LRP1B: variants seen among roughly 807,000 people sequenced by gnomAD.
LRP1B encodes low-density lipoprotein receptor-related protein 1B.
In LRP1B, 217 loss-of-function variants were observed where a neutral mutation model predicts 556.6. The ratio of observed to expected loss-of-function variants is 0.39; its 90% CI spans 0.35 to 0.44. The LOEUF is 0.44. Ranked by LOEUF, LRP1B falls within the 20% of genes least tolerant of loss-of-function variation. The pLI is 1.00. For synonymous variants in LRP1B, 2,047 were observed against 1,865.8 expected (o/e 1.10, Z -2.50); for missense variants, 5,053 against 5,620.8 (o/e 0.90, Z 3.23).
At position 140,442,554 on chromosome 2, in the gene LRP1B, A is replaced by C; in HGVS notation, c.10364T>G (p.Val3455Gly). 1 of 1,614,024 alleles carries C rather than the reference A, an allele frequency of 6.2e-7. No homozygotes were observed. Among genetic ancestry groups the C allele is most frequent in the Middle Eastern group, 1.7e-4 (1 of 6,060 alleles). ...TGCACAGTCTGGATCCTCGTCACAA[A>C]CCCACAGCTTGGAAATGCAATGCTT... Reference protein sequence around the residue: ...TTKHCISKLWVCDEDPDCADA... With the variant: ...TTKHCISKLWGCDEDPDCADA... Residue 3455 changes from valine (V) to glycine (G), a missense_variant, in exon 66 of 91, where the codon GTT (valine) becomes GGT (glycine). By Grantham distance (109) the Val-to-Gly change is moderately radical. Coordinates refer to ENST00000389484, the MANE Select transcript of LRP1B (RefSeq NM_018557.3).
chr2:140,433,952 T>C (rs1686061914), intron 66 of LRP1B, among the ~76,000 whole-genome samples: 1 of 152,148 alleles, frequency 6.6e-6, no homozygotes, highest in Non-Finnish European at 1.5e-5. Flanking sequence ...AGTGCAATCA[T>C]ATGGATGATA....
intron 35 of LRP1B, among the ~76,000 whole-genome samples, chr2:140,760,554 T>A (rs1688883850): frequency 6.6e-6 from 1 of 152,202 alleles, no homozygotes; most frequent in Non-Finnish European, 1.5e-5. Flanking sequence ...GCCCTTGGCC[T>A]TATATTGCAT....
At chr2:141,028,215 A>G (rs987744444) in intron 11 of LRP1B, among the ~76,000 whole-genome samples, 2 of 151,876 alleles carry the variant, frequency 1.3e-5, no homozygotes, top group Non-Finnish European at 2.9e-5. Flanking sequence ...AAATGATATT[A>G]ATAATATATT....
chr2:141,945,292 T>C (rs995923029), intron 1 of LRP1B, among the ~76,000 whole-genome samples: 1 of 152,146 alleles, frequency 6.6e-6, no homozygotes, highest in African/African-American at 2.4e-5. Flanking sequence ...GATAATGGAC[T>C]GTAGTAGCAG....
At chr2:140,436,608 C>CTTT (rs56972100) in intron 66 of LRP1B, among the ~76,000 whole-genome samples, 82 of 139,300 alleles carry the variant, frequency 5.9e-4, no homozygotes, top group African/African-American at 2.0e-3. Context: ...TGCTCACTGT[C>CTTT]TTTTTTTTTT....
At chr2:140,656,657 A>C (rs2105331308) in intron 41 of LRP1B, among the ~76,000 whole-genome samples, 1 of 152,234 alleles carries the variant, frequency 6.6e-6, no homozygotes, top group Non-Finnish European at 1.5e-5. Flanking sequence ...TGCTTGTATT[A>C]GATGTGCAAG....
At chr2:141,515,305 G>A (rs2381109) in intron 2 of LRP1B, among the ~76,000 whole-genome samples, 137,350 of 146,868 alleles carry the variant, frequency 0.94, 64,087 homozygotes, top group Non-Finnish European at 0.96. Context: ...TCCGTCAAAA[G>A]AAAAAAAAAA....
At chr2:141,670,083 C>T (rs531993006) in intron 2 of LRP1B, among the ~76,000 whole-genome samples, 68 of 152,188 alleles carry the variant, frequency 4.5e-4, no homozygotes, top group African/African-American at 1.6e-3. Context: ...CATTAATAAA[C>T]GAAGTGAAAA....
intron 1 of LRP1B, among the ~76,000 whole-genome samples, chr2:141,972,902 C>T (rs1189095098): frequency 6.6e-6 from 1 of 151,492 alleles, no homozygotes; most frequent in Non-Finnish European, 1.5e-5. Context: ...GATTAATAGA[C>T]TCATAATACA....
intron 3 of LRP1B, among the ~76,000 whole-genome samples, chr2:141,381,851 C>A (rs1184934511): frequency 6.6e-6 from 1 of 152,126 alleles, no homozygotes; most frequent in Non-Finnish European, 1.5e-5. Context: ...AATAGGGCAC[C>A]TGCTTATATC....
rs1011509340 is a variant in LRP1B, at chr2:141,857,835, A to G, written c.83-47434T>C. Reference sequence around the variant, plus strand: ...GTCCCTTCTTCCCCTTTCACAGAACAGCCTTCACCTGTACTGCAGATATTT... The same window carrying G: ...GTCCCTTCTTCCCCTTTCACAGAACGGCCTTCACCTGTACTGCAGATATTT... On this transcript the variant is annotated intron_variant, in intron 1 of 90. Transcript: ENST00000389484. 3.9e-5 allele frequency among the ~76,000 whole-genome samples: 6 copies of G among 152,272 alleles called. No individual in the cohort carries two copies. The East Asian group carries it at 1.2e-3, about 29-fold the overall frequency.
intron 1 of LRP1B, among the ~76,000 whole-genome samples, chr2:141,920,204 C>T (rs1018078610): frequency 6.7e-6 from 1 of 150,176 alleles, no homozygotes; most frequent in African/African-American, 2.4e-5. Flanking sequence ...TATCAAAAAC[C>T]TCTGCATTTG....
intron 1 of LRP1B, among the ~76,000 whole-genome samples, chr2:141,998,281 TTCTC>T (rs1009624058): frequency 1.1e-4 from 16 of 151,932 alleles, no homozygotes; most frequent in Admixed American, 2.0e-4. Flanking sequence ...CACACCCAGA[TTCTC>T]TCTCTCTCTA....
chr2:141,810,434 A>C (rs1696320449), intron 1 of LRP1B, 33 bp from the exon 2 acceptor site: 1 of 1,608,680 alleles, frequency 6.2e-7, no homozygotes, highest in Admixed American at 1.7e-5. Context: ...ATAAAATATG[A>C]ATGATCTGAA....
At chr2:140,680,504 T>C (rs1401424948) in intron 41 of LRP1B, among the ~76,000 whole-genome samples, 1 of 152,208 alleles carries the variant, frequency 6.6e-6, no homozygotes. Context: ...ACCTTTACAA[T>C]GAAATAACTG....
intron 35 of LRP1B, among the ~76,000 whole-genome samples, chr2:140,764,124 A>T (rs1689020644): frequency 6.6e-6 from 1 of 152,186 alleles, no homozygotes; most frequent in Admixed American, 6.6e-5. Flanking sequence ...GTTACTAGAA[A>T]AATTTTGTAA....
At chr2:141,030,750 A>G (rs1340855046) in intron 11 of LRP1B, among the ~76,000 whole-genome samples, 1 of 152,080 alleles carries the variant, frequency 6.6e-6, no homozygotes, top group East Asian at 1.9e-4. Flanking sequence ...ATACTATACT[A>G]CAGTAGATGC....
At chr2:140,609,124 G>A (rs62172844) in intron 41 of LRP1B, among the ~76,000 whole-genome samples, 28,045 of 152,098 alleles carry the variant, frequency 0.18, 3,154 homozygotes, top group South Asian at 0.38. Context: ...GGAGCTGCTA[G>A]AGCAGAGCAT....
At chr2:141,098,212 G>A (rs752141071) in intron 7 of LRP1B, among the ~76,000 whole-genome samples, 1 of 152,044 alleles carries the variant, frequency 6.6e-6, no homozygotes, top group Non-Finnish European at 1.5e-5. Context: ...AAACTATATG[G>A]TATCTTTTAA....
Sources: gnomAD v4.1 joint callset for allele counts (sites outside exome capture counted in the v4.1 genomes callset) on GRCh38, gnomAD v4.1.1 for gene constraint, MANE v1.5 for transcripts, NCBI Gene and HGNC (gene_info 2026-07-23, HGNC 2026-07-21) for gene names.